The following IFT88 variants were observed in gnomAD, a reference collection of about 807,000 sequenced individuals.
IFT88 encodes intraflagellar transport protein 88 homolog.
In IFT88, 74 loss-of-function variants were observed where a neutral mutation model predicts 119.5. The ratio of observed to expected loss-of-function variants is 0.62; its 90% CI spans 0.51 to 0.75. The LOEUF is 0.75. IFT88 is among the 30% of genes least tolerant of loss of function. The pLI is 0.00. For synonymous variants in IFT88, 279 were observed against 316.7 expected (o/e 0.88, Z 1.26); for missense variants, 961 against 977.7 (o/e 0.98, Z 0.23).
chr13:20,678,079 G>C (rs1199431497), intron 24 of IFT88, among the ~76,000 whole-genome samples: 1 of 152,200 alleles, frequency 6.6e-6, no homozygotes. Context: ...AGATAGTTTT[G>C]ATAGCCTTAA....
intron 14 of IFT88, among the ~76,000 whole-genome samples, chr13:20,624,712 A>G (rs2047037853): frequency 6.6e-6 from 1 of 152,100 alleles, no homozygotes; most frequent in Non-Finnish European, 1.5e-5. Context: ...AGTCCATCAT[A>G]CTGTGTGAAT....
intron 22 of IFT88, among the ~76,000 whole-genome samples, chr13:20,659,668 C>T (rs370840372): frequency 9.9e-4 from 146 of 147,264 alleles, no homozygotes; most frequent in African/African-American, 3.6e-3. Flanking sequence ...TTTTGAGACA[C>T]AGTCTCACTC....
intron 1 of IFT88, among the ~76,000 whole-genome samples, chr13:20,569,596 AC>A (rs1404364337): frequency 6.6e-6 from 1 of 152,082 alleles, no homozygotes; most frequent in East Asian, 1.9e-4. Context: ...ATTTTTTTAA[AC>A]TTTTGTGCTT....
Position 20,690,702 on chromosome 13 carries a change from C to T in IFT88, c.2243-3C>T. 6.3e-7 allele frequency: 1 copy of T among 1,594,616 alleles called. No homozygotes were observed. Among genetic ancestry groups the T allele is most frequent in the Non-Finnish European group, 8.6e-7 (1 of 1,162,594 alleles). On this transcript the variant is annotated splice_region_variant and splice_polypyrimidine_tract_variant and intron_variant, in intron 24 of 25. Coordinates refer to ENST00000351808, the MANE Select transcript of IFT88 (RefSeq NM_006531.5). Reference sequence around the variant, plus strand: ...AAATGCATTTTTATTTTCGTGTTTTCAGATAGTGGCCAGAACTATAGTGCC... The same window carrying T: ...AAATGCATTTTTATTTTCGTGTTTTTAGATAGTGGCCAGAACTATAGTGCC...
intron 12 of IFT88, 61 bp downstream of exon 12, chr13:20,601,994 A>C: frequency 2.1e-6 from 2 of 936,504 alleles, no homozygotes; most frequent in South Asian, 3.1e-5. Context: ...TTCTGTTTTC[A>C]GAATGAGAAA....
intron 20 of IFT88, among the ~76,000 whole-genome samples, chr13:20,646,719 T>C (rs746263939): frequency 2.0e-5 from 3 of 151,938 alleles, no homozygotes; most frequent in Non-Finnish European, 4.4e-5. Context: ...TTTTCTTTGG[T>C]GATATTGAGA....
At chr13:20,635,395 C>T (rs1421999917) in intron 16 of IFT88, among the ~76,000 whole-genome samples, 1 of 152,096 alleles carries the variant, frequency 6.6e-6, no homozygotes. Flanking sequence ...GACACTCATC[C>T]CCAAGGGGAG....
At chr13:20,591,764 T>G in intron 6 of IFT88, 83 bp downstream of exon 6, 1 of 872,328 alleles carries the variant, frequency 1.1e-6, no homozygotes, top group South Asian at 1.6e-5. Flanking sequence ...TACTGTCATT[T>G]TAAATAAAAT....
In IFT88 at chr13:20,599,480, T is replaced by G. The variant is rs1251939595; in HGVS notation, c.727T>G (p.Tyr243Asp). Residue 243 changes from tyrosine (Y) to aspartate (D), a missense_variant, in exon 11 of 26, where the codon TAT (tyrosine) becomes GAT (aspartate). Tyr to Asp is a radical substitution (Grantham distance 160, BLOSUM62 -3). Transcript: ENST00000351808. ...ATTGAAAATGAATATGGGAAATATCTATTTAAAGCAAAGAAATTATTCCAA... is the reference window on the plus strand; with the variant it reads ...ATTGAAAATGAATATGGGAAATATCGATTTAAAGCAAAGAAATTATTCCAA... ...GILKMNMGNI[Y>D]LKQRNYSKAI... 6.8e-7 allele frequency: 1 copy of G among 1,468,302 alleles called. No individual in the cohort carries two copies. Among genetic ancestry groups the G allele is most frequent in the Admixed American group, 1.8e-5 (1 of 54,688 alleles). 91.0% of individuals were successfully genotyped at this position (1,468,302 alleles called of 1,614,324 possible).
chr13:20,591,469 A>C (rs927915442), intron 5 of IFT88, 149 bp from the exon 6 acceptor site: 11 of 522,732 alleles, frequency 2.1e-5, no homozygotes, highest in Non-Finnish European at 3.3e-5. Flanking sequence ...TGATTGATAC[A>C]TGAGGAGGTA....
At chr13:20,657,822 C>T (rs1265754322) in intron 22 of IFT88, among the ~76,000 whole-genome samples, 1 of 151,924 alleles carries the variant, frequency 6.6e-6, no homozygotes, top group African/African-American at 2.4e-5. Context: ...ACAATGAACA[C>T]AAAAGAATGC....
chr13:20,568,459 T>C (rs1167478616), intron 1 of IFT88, among the ~76,000 whole-genome samples: 1 of 152,242 alleles, frequency 6.6e-6, no homozygotes, highest in Non-Finnish European at 1.5e-5. Context: ...AAGTCAAACC[T>C]TTTAAAAATC....
intron 20 of IFT88, among the ~76,000 whole-genome samples, chr13:20,648,028 G>A (rs2051006306): frequency 6.6e-6 from 1 of 152,176 alleles, no homozygotes; most frequent in African/African-American, 2.4e-5. Context: ...AGGCCAGAAA[G>A]CAATGGAATG....
rs141107811 is a variant in IFT88 at position 20,572,994 on chromosome 13, G to A, written c.-6-1386G>A. On this transcript the variant is annotated intron_variant, in intron 1 of 25. Coordinates refer to ENST00000351808, the MANE Select transcript of IFT88 (RefSeq NM_006531.5). The stretch of plus-strand genomic sequence containing the variant: ...TTTTGCTTGTCCATTTTACTGATGG[G>A]TATCTGGTTTGTTTCTGATTTTTCA... Among the ~76,000 whole-genome samples the A allele has an allele frequency of 2.5e-3, 374 of 152,114 alleles. 4 individuals are homozygous for A. The highest frequency in any genetic ancestry group is 8.0e-3 in the African/African-American group (331 of 41,466).
At chr13:20,673,135 C>T (rs989174707) in intron 24 of IFT88, among the ~76,000 whole-genome samples, 2 of 152,186 alleles carry the variant, frequency 1.3e-5, no homozygotes, top group South Asian at 4.1e-4. Context: ...TCACCATCCC[C>T]TAAGGATTCT....
chr13:20,605,499 C>T (rs371926821), intron 13 of IFT88, among the ~76,000 whole-genome samples: 43 of 152,282 alleles, frequency 2.8e-4, no homozygotes, highest in African/African-American at 1.0e-3. Flanking sequence ...AGGATCAGCT[C>T]TCAGAGACAA....
intron 12 of IFT88, 116 bp from the exon 13 acceptor site, chr13:20,604,919 G>A (rs2139249664): frequency 1.9e-6 from 1 of 516,924 alleles, no homozygotes. Context: ...TCATGCCACT[G>A]CACTGCAGCC....
chr13:20,642,027 T>A (rs1279374359), intron 18 of IFT88: 1 of 152,220 alleles, frequency 6.6e-6, no homozygotes, highest in Non-Finnish European at 1.5e-5. Flanking sequence ...AACACTTAGC[T>A]TTCTTAATAA....
At chr13:20,633,388 C>CA (rs1482487255) in intron 16 of IFT88, among the ~76,000 whole-genome samples, 4 of 151,876 alleles carry the variant, frequency 2.6e-5, no homozygotes, top group Non-Finnish European at 5.9e-5. Context: ...GCCTGCCTCC[C>CA]AAAAAAGGGT....
Sources: gnomAD v4.1 joint callset for allele counts (sites outside exome capture counted in the v4.1 genomes callset) on GRCh38, gnomAD v4.1.1 for gene constraint, MANE v1.5 for transcripts, NCBI Gene and HGNC (gene_info 2026-07-23, HGNC 2026-07-21) for gene names.